The following HERC1 variants were observed in gnomAD, a reference collection of about 807,000 sequenced individuals.
HERC1 encodes the protein probable E3 ubiquitin-protein ligase HERC1.
A neutral mutation model predicts 554.3 loss-of-function variants in HERC1; 160 were observed. The ratio of observed to expected loss-of-function variants is 0.29; its 90% CI spans 0.25 to 0.33. HERC1 has a LOEUF of 0.33. Ranked by LOEUF, HERC1 falls within the 10% of genes least tolerant of loss-of-function variation. HERC1 has a pLI of 1.00. For synonymous variants in HERC1, 2,175 were observed against 2,131.7 expected, an observed-to-expected ratio of 1.02 and a Z score of -0.56; for missense variants, 4,919 against 5,918.5, an observed-to-expected ratio of 0.83 and a Z score of 5.54.
In HERC1 at chr15:63,680,871, T is replaced by A; in HGVS notation, c.6226-95A>T. On this transcript the variant is annotated intron_variant, in intron 34 of 77. Transcript: ENST00000443617. This position sits in a 1 kb window ranked among gnomAD's most constrained non-coding sequence, Gnocchi z 5.8. ...ATACTGAAAATATGTTTATAAATAA[T>A]ACTAATGCATTTATGGAAACATGTT... is the stretch of plus-strand genomic sequence containing the variant. 1 of 756,638 alleles carries A rather than the reference T, an allele frequency of 1.3e-6. No homozygotes were observed. The highest frequency in any genetic ancestry group is 2.8e-5 in the East Asian group (1 of 36,212). 46.9% of individuals were successfully genotyped at this position (756,638 alleles called of 1,614,324 possible).
At position 63,680,609 on chromosome 15, in the gene HERC1, A is replaced by G; in HGVS notation, c.6393T>C (p.Phe2131=). The change falls in exon 35 of 78, where the codon TTT becomes TTC. Residue 2131 remains phenylalanine, a synonymous_variant. Coordinates refer to ENST00000443617, the MANE Select transcript of HERC1 (RefSeq NM_003922.4). This position sits in a 1 kb window ranked among gnomAD's most constrained non-coding sequence, Gnocchi z 5.8. The part of the protein sequence containing the change: ...NGEQTLTLSS[F]TQGDFITCVL... Reference sequence around the variant, plus strand: ...CACAGGTAATGAAATCTCCTTGAGTAAAGCTGGACAATGTGAGAGTCTGTT... The same window carrying G: ...CACAGGTAATGAAATCTCCTTGAGTGAAGCTGGACAATGTGAGAGTCTGTT... The G allele has an allele frequency of 6.2e-7, 1 of 1,613,828 alleles. No homozygotes were observed. Among genetic ancestry groups the G allele is most frequent in the Non-Finnish European group, 8.5e-7 (1 of 1,179,742 alleles).
chr15:63,697,971 T>C (rs1475951841), intron 26 of HERC1, among the ~76,000 whole-genome samples: 1 of 152,220 alleles, frequency 6.6e-6, no homozygotes, highest in Non-Finnish European at 1.5e-5. Flanking sequence ...TGGGGGAAGA[T>C]ACTTTAAGGC....
At chr15:63,697,612 G>A (rs566716395) in intron 26 of HERC1, among the ~76,000 whole-genome samples, 3 of 151,804 alleles carry the variant, frequency 2.0e-5, no homozygotes, top group African/African-American at 4.8e-5. Context: ...CCACCACCAC[G>A]CCCAGTTAAT....
chr15:63,717,364 T>C (rs895608218), intron 21 of HERC1, among the ~76,000 whole-genome samples: 2 of 152,190 alleles, frequency 1.3e-5, no homozygotes, highest in African/African-American at 4.8e-5. Flanking sequence ...GAGAAAGAGT[T>C]TGGTTTTTTA....
At chr15:63,766,051 GTTTACATAACTC>G (rs1264494977) in intron 2 of HERC1, among the ~76,000 whole-genome samples, 2 of 151,836 alleles carry the variant, frequency 1.3e-5, no homozygotes, top group Non-Finnish European at 2.9e-5. Flanking sequence ...ATAGTTTTTG[GTTTACATAACTC>G]ACTATAGCCT....
intron 71 of HERC1, among the ~76,000 whole-genome samples, chr15:63,625,469 G>A (rs1298055298): frequency 1.3e-5 from 2 of 152,018 alleles, no homozygotes; most frequent in Non-Finnish European, 2.9e-5. Flanking sequence ...GAGGTGGGGG[G>A]GATCATTTGA....
At chr15:63,671,698 T>C (rs1200043946) in intron 39 of HERC1, among the ~76,000 whole-genome samples, 2 of 152,184 alleles carry the variant, frequency 1.3e-5, no homozygotes, top group African/African-American at 4.8e-5. Flanking sequence ...CCAGGTGGCC[T>C]TGGGCACACC....
intron 1 of HERC1, among the ~76,000 whole-genome samples, chr15:63,797,120 T>G (rs991009587): frequency 6.6e-6 from 1 of 152,222 alleles, no homozygotes; most frequent in Non-Finnish European, 1.5e-5. Flanking sequence ...ATTTATAGTT[T>G]GACCTTAAAG....
rs71131176 is a variant in HERC1, at chr15:63,707,928, CAAAAAAAAAAAAA to C, written c.4585-1110_4585-1098del. On this transcript the variant is annotated intron_variant, in intron 24 of 77. Coordinates refer to ENST00000443617, the MANE Select transcript of HERC1 (RefSeq NM_003922.4). ...CGGATGACAGAGCAAGACTCCCTCT[CAAAAAAAAAAAAA>C]AAAAAAAAAAAAGAAGAAGTGACAA... 9.1e-5 allele frequency among the ~76,000 whole-genome samples: 5 copies of C among 55,206 alleles called. No individual in the cohort carries two copies. The East Asian group carries it at 2.4e-3, about 27-fold the overall frequency. The allele number at this position is 55,206 out of a possible 152,430, so 36.2% of individuals were successfully genotyped here. A position where few individuals can be genotyped will look rare whatever the true frequency, so the allele number is the denominator to read the frequency against.
intron 14 of HERC1, among the ~76,000 whole-genome samples, chr15:63,731,926 T>C (rs1282882997): frequency 6.6e-6 from 1 of 152,134 alleles, no homozygotes; most frequent in Non-Finnish European, 1.5e-5. Flanking sequence ...ACGTGTACAA[T>C]GTACAATTCT....
At chr15:63,646,953 A>C (rs376796383) in intron 55 of HERC1, among the ~76,000 whole-genome samples, 1 of 152,098 alleles carries the variant, frequency 6.6e-6, no homozygotes. Context: ...ATCAGAGAAA[A>C]GCAAATTCAA....
chr15:63,770,606 T>C (rs2075922342), intron 2 of HERC1, among the ~76,000 whole-genome samples: 1 of 152,258 alleles, frequency 6.6e-6, no homozygotes, highest in African/African-American at 2.4e-5. Flanking sequence ...AATGAATATA[T>C]TGTGTGTTCC....
intron 12 of HERC1, among the ~76,000 whole-genome samples, chr15:63,737,350 G>GATATATATATATCTTTTTTCCAGATAT (rs2074553602): frequency 2.2e-5 from 3 of 135,730 alleles, no homozygotes; most frequent in African/African-American, 8.4e-5. Context: ...AACACTTCCA[G>GATATATATATATCTTTTTTCCAGATAT]ATATATATAT....
chr15:63,775,168 T>C lies in HERC1; in HGVS notation c.456A>G (p.Ser152=). 6.2e-7 allele frequency: 1 copy of C among 1,614,046 alleles called. No homozygotes were observed. The highest frequency in any genetic ancestry group is 1.1e-5 in the South Asian group (1 of 91,086). ...DVHSVSERPR[S]STDALIEMGV... is the part of the protein sequence containing the mutation. ...CCATTTCTATAAGTGCATCAGTGCT[T>C]GACCGGGGGCGTTCACTAACAGAAT... The change falls in exon 2 of 78, where the codon TCA becomes TCG. Residue 152 remains serine (S), a synonymous_variant. Transcript: ENST00000443617. This position sits in a 1 kb window ranked among gnomAD's most constrained non-coding sequence, Gnocchi z 4.0.
Position 63,663,066 on chromosome 15 carries a change from T to G in HERC1, c.8819A>C (p.Glu2940Ala). ...GGTCAGGTCTTGTCCAAACATAGCT[T>G]CCATCGCCTCATCATCAAGATCAAT... The part of the protein sequence containing the change: ...LEIDLDDEAM[E>A]AMFGQDLTSD... The change falls in exon 44 of 78, where the codon GAA becomes GCA. Residue 2940 changes from glutamate (E) to alanine (A), a missense_variant. This residue lies in a region of HERC1 where 1,963 missense variants were observed against 2,228.6 expected (regional missense o/e 0.88). Transcript: ENST00000443617. 1.2e-6 allele frequency: 2 copies of G among 1,613,942 alleles called. No individual in the cohort carries two copies. The highest frequency in any genetic ancestry group is 1.7e-6 in the Non-Finnish European group (2 of 1,179,874).
At chr15:63,683,535 T>C (rs1004033731) in intron 34 of HERC1, among the ~76,000 whole-genome samples, 2 of 152,190 alleles carry the variant, frequency 1.3e-5, no homozygotes, top group Admixed American at 6.5e-5. Context: ...CCTAAGTACA[T>C]ATTTCTGAGT....
In HERC1 at chr15:63,622,894, G is replaced by A; in HGVS notation, c.13612-3C>T. 1 of 1,582,870 alleles carries A rather than the reference G, an allele frequency of 6.3e-7. No individual in the cohort carries two copies. On this transcript the variant is annotated splice_polypyrimidine_tract_variant and splice_region_variant and intron_variant, in intron 73 of 77. Transcript: ENST00000443617. ...TCAACAATACCAGTTTCAAGTTCCT[G>A]CAGAAGAAAGAAAAAAATTTTTTGA...
In HERC1 at chr15:63,651,347, G is replaced by A; in HGVS notation, c.10452C>T (p.Pro3484=). The change falls in exon 53 of 78, where the codon CCC becomes CCT. Residue 3484 remains proline (P), a synonymous_variant. Coordinates refer to ENST00000443617, the MANE Select transcript of HERC1 (RefSeq NM_003922.4). Reference sequence around the variant, plus strand: ...AAACTGGTGAGAAACTTGGATCACTGGGTGATCCCAGGCTTTCCTCAGCAT... The same window carrying A: ...AAACTGGTGAGAAACTTGGATCACTAGGTGATCCCAGGCTTTCCTCAGCAT... ...EGDAEESLGS[P]SDPSFSPVSW... is the part of the protein sequence containing the mutation. The A allele has an allele frequency of 6.2e-7, 1 of 1,612,248 alleles. No individual in the cohort carries two copies. Among genetic ancestry groups the A allele is most frequent in the Non-Finnish European group, 8.5e-7 (1 of 1,178,290 alleles).
In HERC1 at chr15:63,666,169, G is replaced by T; in HGVS notation, c.8324-19C>A. ...CTAGCACCTATACAGGGGAAAAACA[G>T]TCTGATGCTGACTTTGGGCAAAGAA... On this transcript the variant is annotated intron_variant, in intron 41 of 77. Transcript: ENST00000443617. The T allele has an allele frequency of 6.3e-7, 1 of 1,581,230 alleles. No individual in the cohort carries two copies. Among genetic ancestry groups the T allele is most frequent in the Non-Finnish European group, 8.6e-7 (1 of 1,160,832 alleles).
Sources: gnomAD v4.1 joint callset for allele counts (sites outside exome capture counted in the v4.1 genomes callset) on GRCh38, gnomAD v4.1.1 for gene constraint, gnomAD v4.1.1 regional missense constraint, Gnocchi (gnomAD v3.1) non-coding constraint, MANE v1.5 for transcripts, NCBI Gene and HGNC (gene_info 2026-07-23, HGNC 2026-07-21) for gene names.